Variants in TBC1D8B observed in about 807,000 individuals in gnomAD.
The protein encoded by TBC1D8B is TBC1 domain family member 8B, also known as RP11-321G1.1.
TBC1D8B carries 75 observed loss-of-function variants against 82.9 expected under a neutral mutation model. That is an observed-to-expected ratio of 0.90 (90% CI 0.75 to 1.10). The LOEUF is 1.10. Among genes scored for constraint, TBC1D8B ranks in the 50% least tolerant of loss-of-function variants. TBC1D8B has a pLI of 0.00. For synonymous variants in TBC1D8B, 276 were observed against 276.8 expected (o/e 1.00, Z 0.03); for missense variants, 794 against 796.9 (o/e 1.00, Z 0.04).
At position 106,873,994 on chromosome X, in the gene TBC1D8B, G is replaced by T. The variant is rs768437285; in HGVS notation, c.*29G>T. ...CCTAGGAATTGCCTATCATAGACAAGTTTACTAACATTCCTGTAGCTGTCA... is the reference window on the plus strand; with the variant it reads ...CCTAGGAATTGCCTATCATAGACAATTTTACTAACATTCCTGTAGCTGTCA... On this transcript the variant is annotated 3_prime_UTR_variant, in exon 21 of 21. Transcript: ENST00000357242. 2 of 1,141,405 alleles carry T rather than the reference G, an allele frequency of 1.8e-6. No homozygotes were observed. Among genetic ancestry groups the T allele is most frequent in the African/African-American group, 3.6e-5 (2 of 54,832 alleles). 94.1% of individuals were successfully genotyped at this position (1,141,405 alleles called of 1,213,427 possible).
In TBC1D8B at chrX:106,827,294, G is replaced by C; in HGVS notation, c.1160G>C (p.Arg387Thr). 2 of 1,211,079 alleles carry C rather than the reference G, an allele frequency of 1.7e-6. No homozygotes were observed. The highest frequency in any genetic ancestry group is 2.2e-6 in the Non-Finnish European group (2 of 895,133). The change falls in exon 7 of 21, where the codon AGA (arginine) becomes ACA (threonine). Residue 387 changes from arginine (R) to threonine (T), a missense_variant. Transcript: ENST00000357242. ...FEQLVAKLRLRCGAASTQYHD... is the reference protein window; with the variant it reads ...FEQLVAKLRLTCGAASTQYHD... ...CAACTGGTAGCAAAACTCAGGCTCA[G>C]ATGCGGAGCAGCTTCAACTCAATAT...
rs1030824432 is a variant in TBC1D8B at position 106,865,470 on chromosome X, G to T, written c.2353-89G>T. ...GTTAAAACACAAATATTTTCTTCTA[G>T]CAGAGAGAGACTCTAAGGTAATTCA... On this transcript the variant is annotated intron_variant, in intron 14 of 20. Transcript: ENST00000357242. 1.7e-5 allele frequency: 10 copies of T among 604,852 alleles called. No homozygotes were observed. The African/African-American group carries it at 2.3e-4, about 14-fold the overall frequency. 49.8% of individuals were successfully genotyped at this position (604,852 alleles called of 1,213,427 possible).
intron 7 of TBC1D8B, among the ~76,000 whole-genome samples, chrX:106,830,461 C>T (rs1054481835): frequency 1.4e-4 from 16 of 111,085 alleles, no homozygotes; most frequent in African/African-American, 5.2e-4. Flanking sequence ...ACCCAAAGGA[C>T]TATAAATCAT....
In TBC1D8B at chrX:106,873,301, C is replaced by A; in HGVS notation, c.2968-269C>A. 3.6e-5 allele frequency among the ~76,000 whole-genome samples: 4 copies of A among 111,194 alleles called. No individual in the cohort carries two copies. In the Middle Eastern group the frequency reaches 0.019, roughly 515 times the overall value. On this transcript the variant is annotated intron_variant, in intron 20 of 20. Transcript: ENST00000357242. ...TTTAGTAGAGGTTTCACCACGTTGG[C>A]CAGGCTGGTCTCGAACTCCTGACCC... is the stretch of plus-strand genomic sequence containing the variant.
At chrX:106,805,164 C>T (rs1354816748) in intron 1 of TBC1D8B, among the ~76,000 whole-genome samples, 2 of 96,548 alleles carry the variant, frequency 2.1e-5, no homozygotes, top group Non-Finnish European at 4.0e-5. Flanking sequence ...TTATAGCTCA[C>T]AGCAGCCTGG....
intron 14 of TBC1D8B, among the ~76,000 whole-genome samples, chrX:106,862,829 G>T (rs1320550467): frequency 1.0e-5 from 1 of 98,139 alleles, no homozygotes; most frequent in African/African-American, 3.8e-5. Flanking sequence ...ATGCCCTTGG[G>T]GGTTTGATTG....
intron 7 of TBC1D8B, among the ~76,000 whole-genome samples, chrX:106,831,482 C>A (rs1262690628): frequency 9.0e-6 from 1 of 111,453 alleles, no homozygotes; most frequent in Non-Finnish European, 1.9e-5. Flanking sequence ...ATCTGACCAG[C>A]CTTAGTAGTT....
At chrX:106,842,150 CTG>C (rs1932323066) in intron 10 of TBC1D8B, among the ~76,000 whole-genome samples, 1 of 108,455 alleles carries the variant, frequency 9.2e-6, no homozygotes, top group Non-Finnish European at 1.9e-5. Flanking sequence ...TTTTGAAAAA[CTG>C]TTTAAGTGAA....
chrX:106,812,249 AC>A (rs1312877690), intron 1 of TBC1D8B, among the ~76,000 whole-genome samples: 2 of 111,476 alleles, frequency 1.8e-5, no homozygotes, highest in Non-Finnish European at 3.8e-5. Context: ...TGAGCACACT[AC>A]CTTCTCTTAT....
intron 7 of TBC1D8B, chrX:106,828,019 A>G (rs926215734): frequency 5.4e-5 from 6 of 111,649 alleles, no homozygotes; most frequent in Non-Finnish European, 7.5e-5. Context: ...TTTTGAAAGG[A>G]TCAACAAAAT....
Position 106,840,769 on chromosome X carries a change from A to G in TBC1D8B, c.1604A>G (p.Asp535Gly). The G allele has an allele frequency of 8.3e-7, 1 of 1,210,957 alleles. No individual in the cohort carries two copies. The highest frequency in any genetic ancestry group is 1.1e-6 in the Non-Finnish European group (1 of 895,152). Residue 535 changes from aspartate (D) to glycine (G), a missense_variant, in exon 10 of 21, where the codon GAT becomes GGT. Physicochemically the swap from Asp to Gly is moderately conservative, Grantham distance 94. Transcript: ENST00000357242. ...TTGGCTACTGAAGAAATTGAACGTG[A>G]TTTACGTCGCTCTCTGCCTGAGCAC... is the stretch of plus-strand genomic sequence containing the variant. ...CNLATEEIERDLRRSLPEHPA... is the reference protein window; with the variant it reads ...CNLATEEIERGLRRSLPEHPA...
chrX:106,846,856 C>A (rs1932467015), intron 10 of TBC1D8B, among the ~76,000 whole-genome samples: 1 of 111,918 alleles, frequency 8.9e-6, no homozygotes, highest in African/African-American at 3.2e-5. Context: ...ATGTTAAAGT[C>A]TGAAAAAGAA....
chrX:106,840,543 T>G (rs764876651), intron 9 of TBC1D8B, 127 bp from the exon 10 acceptor site: 2 of 617,691 alleles, frequency 3.2e-6, no homozygotes, highest in South Asian at 3.0e-5. Flanking sequence ...CTTTTCTGTT[T>G]GTGCTCAGAA....
chrX:106,809,884 C>CAAAAA (rs1234195385), intron 1 of TBC1D8B, among the ~76,000 whole-genome samples: 1 of 36,793 alleles, frequency 2.7e-5, no homozygotes, highest in East Asian at 9.6e-4. Flanking sequence ...GACTCCGTCT[C>CAAAAA]AAAAAAAAAA....
intron 5 of TBC1D8B, among the ~76,000 whole-genome samples, chrX:106,824,943 C>A (rs760191912): frequency 9.0e-6 from 1 of 111,552 alleles, no homozygotes; most frequent in South Asian, 3.7e-4. Context: ...TTAAGTTTAG[C>A]GTATATCCTT....
At chrX:106,831,766 T>C (rs1003814376) in intron 7 of TBC1D8B, among the ~76,000 whole-genome samples, 5 of 111,596 alleles carry the variant, frequency 4.5e-5, no homozygotes, top group African/African-American at 6.5e-5. Flanking sequence ...TTTTCTAGTT[T>C]CTCACTCGTT....
In TBC1D8B at chrX:106,865,677, T is replaced by A. The variant is rs752002965; in HGVS notation, c.2421+50T>A. 4.4e-5 allele frequency: 48 copies of A among 1,097,504 alleles called. No individual in the cohort carries two copies. The African/African-American group carries it at 7.3e-4, about 17-fold the overall frequency. 90.4% of individuals were successfully genotyped at this position (1,097,504 alleles called of 1,213,427 possible). ...AAAATAATGCTTTTTTTTAGCAGAA[T>A]TGTATCACAGCCATTCTAATTATTT... On this transcript the variant is annotated intron_variant, in intron 15 of 20. Transcript: ENST00000357242.
intron 18 of TBC1D8B, among the ~76,000 whole-genome samples, chrX:106,868,902 A>G: frequency 8.9e-6 from 1 of 112,151 alleles, no homozygotes; most frequent in Non-Finnish European, 1.9e-5. Context: ...ATATGAGTTT[A>G]TTTTTGTGTC....
intron 2 of TBC1D8B, among the ~76,000 whole-genome samples, 166 bp from the exon 3 acceptor site, chrX:106,820,711 A>G (rs1166237199): frequency 1.8e-5 from 2 of 111,725 alleles, no homozygotes; most frequent in East Asian, 5.6e-4. Context: ...GTTCATGCCC[A>G]CATAGAGGGA....
Sources: gnomAD v4.1 joint callset for allele counts (sites outside exome capture counted in the v4.1 genomes callset) on GRCh38, gnomAD v4.1.1 for gene constraint, MANE v1.5 for transcripts, NCBI Gene and HGNC (gene_info 2026-07-23, HGNC 2026-07-21) for gene names.